The following TMEFF1 variants were observed in gnomAD, a reference collection of about 807,000 sequenced individuals.
TMEFF1 encodes the protein transmembrane protein with EGF like and two follistatin like domains 1, also known as tomoregulin-1.
TMEFF1 carries 20 observed loss-of-function variants against 47.5 expected under a neutral mutation model. The ratio of observed to expected loss-of-function variants is 0.42; its 90% CI spans 0.30 to 0.61. The LOEUF (loss-of-function observed/expected upper bound fraction) is 0.61. TMEFF1 is among the 20% of genes least tolerant of loss of function. The probability of loss-of-function intolerance (pLI) is 0.19; values close to 1 mark genes in which losing one functional copy is unlikely to be tolerated. For synonymous variants in TMEFF1, 162 were observed against 166.3 expected (o/e 0.97, Z 0.20); for missense variants, 411 against 471.1 (o/e 0.87, Z 1.18).
intron 7 of TMEFF1, among the ~76,000 whole-genome samples, chr9:100,552,137 G>A (rs1044695974): frequency 4.6e-5 from 7 of 152,196 alleles, no homozygotes; most frequent in Non-Finnish European, 1.0e-4. Flanking sequence ...GCCAGATTGT[G>A]TAGAGTGTTG....
chr9:100,515,254 GTTAA>G (rs1397109864), intron 4 of TMEFF1, among the ~76,000 whole-genome samples: 1 of 152,102 alleles, frequency 6.6e-6, no homozygotes, highest in Non-Finnish European at 1.5e-5. Flanking sequence ...GTTTGCCCCA[GTTAA>G]TATACAGACC....
intron 3 of TMEFF1, 119 bp downstream of exon 3, chr9:100,509,253 C>G (rs1180711949): frequency 7.7e-7 from 1 of 1,303,654 alleles, no homozygotes; most frequent in Non-Finnish European, 9.8e-7. Flanking sequence ...GTGGTTGTTG[C>G]GGGGAGTAGG....
chr9:100,497,446 T>G (rs940341516), intron 1 of TMEFF1, among the ~76,000 whole-genome samples: 2 of 151,780 alleles, frequency 1.3e-5, no homozygotes, highest in Non-Finnish European at 2.9e-5. Flanking sequence ...AATTTTTTTG[T>G]AACCCACCTA....
intron 7 of TMEFF1, among the ~76,000 whole-genome samples, chr9:100,556,805 T>G (rs1178603528): frequency 1.3e-5 from 2 of 152,192 alleles, no homozygotes; most frequent in Admixed American, 6.5e-5. Flanking sequence ...ATTGCTGAGA[T>G]TTAGCTTAGC....
Position 100,477,147 on chromosome 9 carries a change from A to G in TMEFF1, c.196+3407A>G, listed in dbSNP as rs115340480. Among the ~76,000 whole-genome samples, 1,026 of 152,266 alleles carry G rather than the reference A, an allele frequency of 6.7e-3. 7 individuals are homozygous for G. The highest frequency in any genetic ancestry group is 0.024 in the African/African-American group (998 of 41,554). On this transcript the variant is annotated intron_variant, in intron 1 of 9. Coordinates refer to ENST00000374879, the MANE Select transcript of TMEFF1 (RefSeq NM_003692.5). ...CACTCACAGGTTTTTTTCACTTGCAAATATGAAGAGCAGTTCTATGGCTTC... is the reference window on the plus strand; with the variant it reads ...CACTCACAGGTTTTTTTCACTTGCAGATATGAAGAGCAGTTCTATGGCTTC...
At position 100,550,134 on chromosome 9, in the gene TMEFF1, G is replaced by A; in HGVS notation, c.749G>A (p.Gly250Glu). ...AGTTTGTTGGGAAAGAAAGATGATG[G>A]ACTACAATATCGACCAGATGTGAAA... ...DTSLLGKKDD[G>E]LQYRPDVKDA... Residue 250 changes from glycine (G) to glutamate (E), a missense_variant, in exon 7 of 10, where the codon GGA becomes GAA. Physicochemically the swap from Gly to Glu is moderately conservative, Grantham distance 98. Coordinates refer to ENST00000374879, the MANE Select transcript of TMEFF1 (RefSeq NM_003692.5). 1 of 1,611,630 alleles carries A rather than the reference G, an allele frequency of 6.2e-7. No individual in the cohort carries two copies. The highest frequency in any genetic ancestry group is 8.5e-7 in the Non-Finnish European group (1 of 1,179,040).
At chr9:100,534,683 C>A (rs1176150427) in intron 5 of TMEFF1, among the ~76,000 whole-genome samples, 1 of 152,140 alleles carries the variant, frequency 6.6e-6, no homozygotes, top group Non-Finnish European at 1.5e-5. Context: ...ATTGTTTTCA[C>A]TGTTGTTAGT....
At chr9:100,529,067 G>A (rs1587838913) in intron 5 of TMEFF1, among the ~76,000 whole-genome samples, 1 of 150,084 alleles carries the variant, frequency 6.7e-6, no homozygotes, top group East Asian at 2.0e-4. Flanking sequence ...CACCAGGCCT[G>A]CCCTAAAAGA....
At position 100,473,388 on chromosome 9, in the gene TMEFF1, G is replaced by A. The variant is rs1002421842; in HGVS notation, c.-157G>A. The A allele has an allele frequency of 2.1e-6, 1 of 472,216 alleles. No homozygotes were observed. Among genetic ancestry groups the A allele is most frequent in the East Asian group, 4.7e-5 (1 of 21,248 alleles). 29.3% of individuals were successfully genotyped at this position (472,216 alleles called of 1,614,324 possible). A position where few individuals can be genotyped will look rare whatever the true frequency, so the allele number is the denominator to read the frequency against. ...CGAGCGCCGCGGGCCCGGGCCTGGC[G>A]GACGCTGCGGGTGGGGCGGGGATGC... On this transcript the variant is annotated 5_prime_UTR_variant, in exon 1 of 10. Coordinates refer to ENST00000374879, the MANE Select transcript of TMEFF1 (RefSeq NM_003692.5). The surrounding 1 kb of genome is among the most constrained non-coding windows in gnomAD (Gnocchi z 5.4).
intron 5 of TMEFF1, among the ~76,000 whole-genome samples, chr9:100,519,360 A>G (rs954408567): frequency 6.6e-6 from 1 of 152,090 alleles, no homozygotes; most frequent in African/African-American, 2.4e-5. Context: ...GTGAGCCAAG[A>G]TTGCGCCACT....
chr9:100,513,214 T>C (rs934246521), intron 3 of TMEFF1, 93 bp from the exon 4 acceptor site: 1 of 1,525,038 alleles, frequency 6.6e-7, no homozygotes, highest in Non-Finnish European at 8.9e-7. Context: ...AGAATGGATA[T>C]CACAGTTTTA....
chr9:100,488,720 A>T (rs1837496020), intron 1 of TMEFF1, among the ~76,000 whole-genome samples: 1 of 152,198 alleles, frequency 6.6e-6, no homozygotes, highest in South Asian at 2.1e-4. Context: ...ATGGAGGCAT[A>T]GGTGGTAAAT....
At chr9:100,504,697 A>G (rs370448713) in intron 2 of TMEFF1, among the ~76,000 whole-genome samples, 1 of 152,232 alleles carries the variant, frequency 6.6e-6, no homozygotes, top group African/African-American at 2.4e-5. Flanking sequence ...GTGCTAGCCC[A>G]TAGTCACATG....
intron 2 of TMEFF1, among the ~76,000 whole-genome samples, chr9:100,508,202 A>G (rs1837896280): frequency 6.6e-6 from 1 of 152,188 alleles, no homozygotes; most frequent in Non-Finnish European, 1.5e-5. Context: ...TTAAGTAATA[A>G]TAACTTGTAT....
intron 3 of TMEFF1, among the ~76,000 whole-genome samples, chr9:100,511,290 C>A (rs947635292): frequency 6.6e-6 from 1 of 152,178 alleles, no homozygotes; most frequent in Admixed American, 6.5e-5. Context: ...AGTGTTAACA[C>A]CTAATGTTAA....
intron 1 of TMEFF1, among the ~76,000 whole-genome samples, chr9:100,498,256 A>T (rs1045648881): frequency 6.6e-6 from 1 of 152,162 alleles, no homozygotes; most frequent in Non-Finnish European, 1.5e-5. Context: ...TATGAAATTC[A>T]GATTCACTGT....
chr9:100,516,508 C>T (rs1398409136), intron 4 of TMEFF1, among the ~76,000 whole-genome samples, 167 bp from the exon 5 acceptor site: 1 of 152,170 alleles, frequency 6.6e-6, no homozygotes, highest in Non-Finnish European at 1.5e-5. Flanking sequence ...GTACTCAGTA[C>T]TGGCAACATT....
At chr9:100,482,199 C>CTTTTT (rs201453800) in intron 1 of TMEFF1, among the ~76,000 whole-genome samples, 1 of 148,770 alleles carries the variant, frequency 6.7e-6, no homozygotes. Context: ...TTCTTTCTTT[C>CTTTTT]TTTTCTTTTT....
chr9:100,474,334 C>T (rs1837182141), intron 1 of TMEFF1, among the ~76,000 whole-genome samples: 1 of 150,546 alleles, frequency 6.6e-6, no homozygotes, highest in Non-Finnish European at 1.5e-5. Flanking sequence ...TGTGTGTGCG[C>T]GCGCGCGCGC....
Sources: allele counts gnomAD v4.1 joint callset (sites outside exome capture counted in the v4.1 genomes callset), GRCh38; gene constraint gnomAD v4.1.1; non-coding constraint Gnocchi (gnomAD v3.1); transcripts MANE v1.5; gene names NCBI Gene and HGNC (gene_info 2026-07-23, HGNC 2026-07-21).